The following PRKG1 variants were observed in gnomAD, a reference collection of about 807,000 sequenced individuals.
PRKG1 encodes the protein cGMP-dependent protein kinase 1.
PRKG1 carries 35 observed loss-of-function variants against 88.1 expected under a neutral mutation model. The ratio of observed to expected loss-of-function variants is 0.40; its 90% CI spans 0.30 to 0.53. The LOEUF (loss-of-function observed/expected upper bound fraction) is 0.53. Ranked by LOEUF, PRKG1 falls within the 20% of genes least tolerant of loss-of-function variation. The pLI is 0.59. For synonymous variants in PRKG1, 303 were observed against 292.5 expected, an observed-to-expected ratio of 1.04 and a Z score of -0.37; for missense variants, 540 against 839.8, an observed-to-expected ratio of 0.64 and a Z score of 4.41.
intron 5 of PRKG1, among the ~76,000 whole-genome samples, chr10:51,966,707 G>C (rs867919443): frequency 6.6e-6 from 1 of 152,124 alleles, no homozygotes; most frequent in Admixed American, 6.6e-5. Flanking sequence ...ACCTATTTGT[G>C]CAAAAGAGTC....
At chr10:52,291,578 T>C (rs1169233627) in intron 17 of PRKG1, among the ~76,000 whole-genome samples, 1 of 152,094 alleles carries the variant, frequency 6.6e-6, no homozygotes, top group Non-Finnish European at 1.5e-5. Context: ...ACAAAGGACA[T>C]GAACTCATCA....
At chr10:51,690,274 C>G (rs1246551147) in intron 3 of PRKG1, among the ~76,000 whole-genome samples, 2 of 152,126 alleles carry the variant, frequency 1.3e-5, no homozygotes, top group Non-Finnish European at 1.5e-5. Flanking sequence ...TCCCACAAGG[C>G]CCCTCCTCCA....
In PRKG1 at chr10:51,647,088, A is replaced by C. The variant is rs1167295603; in HGVS notation, c.593-157497A>C. ...CCAGCCCATAATATATATCTGCTAC[A>C]CTGCTCTCTGATAGAATGGATGTTC... On this transcript the variant is annotated intron_variant, in intron 3 of 17. Coordinates refer to ENST00000373980, the MANE Select transcript of PRKG1 (RefSeq NM_006258.4). Among the ~76,000 whole-genome samples the C allele has an allele frequency of 2.0e-5, 3 of 151,470 alleles. No homozygotes were observed. In the East Asian group the frequency reaches 5.9e-4, roughly 30 times the overall value.
chr10:51,853,212 A>G (rs780006813), intron 4 of PRKG1, among the ~76,000 whole-genome samples: 1 of 152,164 alleles, frequency 6.6e-6, no homozygotes, highest in Non-Finnish European at 1.5e-5. Flanking sequence ...GTGATGTTTT[A>G]GTATTTATTT....
intron 4 of PRKG1, 57 bp downstream of exon 4, chr10:51,804,747 C>CTGGG (rs1039152678): frequency 1.1e-5 from 14 of 1,243,918 alleles, no homozygotes; most frequent in Middle Eastern, 1.9e-4. Context: ...GCCCTATTAT[C>CTGGG]TGAAATGCAG....
chr10:51,705,074 G>T (rs932367864), intron 3 of PRKG1, among the ~76,000 whole-genome samples: 2 of 151,880 alleles, frequency 1.3e-5, no homozygotes, highest in African/African-American at 4.8e-5. Flanking sequence ...TGGCTAAATT[G>T]TACCACTCAC....
At chr10:52,033,717 C>T (rs1451554178) in intron 5 of PRKG1, among the ~76,000 whole-genome samples, 2 of 152,006 alleles carry the variant, frequency 1.3e-5, no homozygotes, top group Non-Finnish European at 2.9e-5. Flanking sequence ...AGGAGTGTTT[C>T]TAGGGCTTCT....
intron 2 of PRKG1, among the ~76,000 whole-genome samples, chr10:51,380,245 T>A (rs1440633232): frequency 6.6e-6 from 1 of 152,178 alleles, no homozygotes; most frequent in Admixed American, 6.5e-5. Context: ...CTTACTCTAG[T>A]TTGCAAAAGA....
chr10:51,414,794 C>T (rs1432054807), intron 2 of PRKG1, among the ~76,000 whole-genome samples: 1 of 152,110 alleles, frequency 6.6e-6, no homozygotes, highest in Non-Finnish European at 1.5e-5. Flanking sequence ...TATGATTCTA[C>T]ACTCACACCA....
At chr10:51,127,776 C>T (rs1845467748) in intron 1 of PRKG1, among the ~76,000 whole-genome samples, 1 of 152,112 alleles carries the variant, frequency 6.6e-6, no homozygotes, top group Non-Finnish European at 1.5e-5. Context: ...TGCTATGCAG[C>T]CATAAAAAGG....
intron 6 of PRKG1, among the ~76,000 whole-genome samples, chr10:52,058,903 T>G (rs1846171545): frequency 1.3e-5 from 2 of 151,878 alleles, no homozygotes; most frequent in African/African-American, 4.8e-5. Context: ...AGTACACGTC[T>G]TGTAAGGGGT....
intron 2 of PRKG1, among the ~76,000 whole-genome samples, chr10:51,173,411 A>AAT (rs1837101273): frequency 6.7e-6 from 1 of 149,874 alleles, no homozygotes; most frequent in African/African-American, 2.5e-5. Context: ...AGAGTTGGGC[A>AAT]GTGTGTGTGT....
chr10:51,141,031 A>G (rs1477221199), intron 1 of PRKG1, among the ~76,000 whole-genome samples: 1 of 152,120 alleles, frequency 6.6e-6, no homozygotes, highest in African/African-American at 2.4e-5. Context: ...CTCCCTTTGG[A>G]TTAATTCTTT....
chr10:51,411,651 A>G (rs988704879), intron 2 of PRKG1, among the ~76,000 whole-genome samples: 1 of 152,232 alleles, frequency 6.6e-6, no homozygotes, highest in African/African-American at 2.4e-5. Flanking sequence ...TTTCTCAGCA[A>G]GCTTCAAGTT....
rs150949180 is a variant in PRKG1 at position 51,956,242 on chromosome 10, G to A, written c.762+48672G>A. On this transcript the variant is annotated intron_variant, in intron 5 of 17. Coordinates refer to ENST00000373980, the MANE Select transcript of PRKG1 (RefSeq NM_006258.4). ...GTTGTATCATTTTGTGGTTTCAAGT[G>A]ATATACTTTCCCCATAAGCTCTGTT... Among the ~76,000 whole-genome samples, 347 of 152,022 alleles carry A rather than the reference G, an allele frequency of 2.3e-3. 1 individual carries two copies. Among genetic ancestry groups the A allele is most frequent in the African/African-American group, 7.6e-3 (315 of 41,480 alleles).
At chr10:51,500,161 A>T (rs1440862411) in intron 3 of PRKG1, among the ~76,000 whole-genome samples, 1 of 152,088 alleles carries the variant, frequency 6.6e-6, no homozygotes, top group Non-Finnish European at 1.5e-5. Context: ...TTTCTTCAGC[A>T]TTTGCTTTTT....
intron 2 of PRKG1, among the ~76,000 whole-genome samples, chr10:51,226,102 G>T (rs1838685642): frequency 6.6e-6 from 1 of 152,088 alleles, no homozygotes; most frequent in Admixed American, 6.6e-5. Context: ...TACTCAGAAG[G>T]CTGAGGCATG....
At chr10:51,035,077 A>G (rs1446485586) in intron 1 of PRKG1, among the ~76,000 whole-genome samples, 1 of 152,100 alleles carries the variant, frequency 6.6e-6, no homozygotes, top group African/African-American at 2.4e-5. Context: ...TAACGGTCGT[A>G]AAAGGGAGAC....
At chr10:51,444,916 T>A (rs1839226006) in intron 2 of PRKG1, among the ~76,000 whole-genome samples, 2 of 152,028 alleles carry the variant, frequency 1.3e-5, no homozygotes, top group East Asian at 1.9e-4. Flanking sequence ...GGCGGAATCT[T>A]GGGACTGGGT....
Sources: gnomAD v4.1 joint callset for allele counts (sites outside exome capture counted in the v4.1 genomes callset) on GRCh38, gnomAD v4.1.1 for gene constraint, MANE v1.5 for transcripts, NCBI Gene and HGNC (gene_info 2026-07-23, HGNC 2026-07-21) for gene names.